The following DLG2 variants were observed in gnomAD, a reference collection of about 807,000 sequenced individuals.
The protein encoded by DLG2 is disks large homolog 2.
A neutral mutation model predicts 132.5 loss-of-function variants in DLG2; 45 were observed. The observed-to-expected ratio is 0.34, with a 90% CI of 0.27 to 0.44. The LOEUF (loss-of-function observed/expected upper bound fraction) is 0.44. Among genes scored for constraint, DLG2 ranks in the 20% least tolerant of loss-of-function variants. DLG2 has a pLI of 1.00. For synonymous variants in DLG2, 424 were observed against 419.6 expected, an observed-to-expected ratio of 1.01 and a Z score of -0.13; for missense variants, 1,045 against 1,196.9, an observed-to-expected ratio of 0.87 and a Z score of 1.87.
intron 6 of DLG2, among the ~76,000 whole-genome samples, chr11:84,903,065 G>A (rs977135984): frequency 4.5e-5 from 2 of 44,378 alleles, no homozygotes; most frequent in African/African-American, 1.1e-4. Flanking sequence ...CCATACCCAG[G>A]CCATCTTCCA....
chr11:83,617,075 G>A (rs547640643), intron 19 of DLG2, among the ~76,000 whole-genome samples: 13 of 152,210 alleles, frequency 8.5e-5, no homozygotes, highest in Admixed American at 3.9e-4. Flanking sequence ...ATCATATAAT[G>A]TAAATTCTCT....
At chr11:84,851,104 G>C (rs2082114581) in intron 6 of DLG2, among the ~76,000 whole-genome samples, 1 of 152,140 alleles carries the variant, frequency 6.6e-6, no homozygotes, top group Admixed American at 6.6e-5. Context: ...TCAGCATCCA[G>C]AACATTACTT....
chr11:83,558,638 A>C (rs969790404), intron 19 of DLG2, among the ~76,000 whole-genome samples: 4 of 152,318 alleles, frequency 2.6e-5, no homozygotes, highest in African/African-American at 9.6e-5. Flanking sequence ...GAAAGTTAGG[A>C]ATTCAACCCA....
chr11:85,400,603 T>TA (rs946720178), intron 3 of DLG2, among the ~76,000 whole-genome samples: 1 of 144,072 alleles, frequency 6.9e-6, no homozygotes, highest in Non-Finnish European at 1.5e-5. Flanking sequence ...TATGCAGCCA[T>TA]AAAAAATGAT....
intron 6 of DLG2, among the ~76,000 whole-genome samples, chr11:84,846,508 T>C (rs1475635698): frequency 6.6e-6 from 1 of 152,158 alleles, no homozygotes; most frequent in Admixed American, 6.6e-5. Context: ...GTTTCTGCTC[T>C]GTAATAAACT....
chr11:84,667,503 T>TG (rs1555150393), intron 6 of DLG2, among the ~76,000 whole-genome samples: 27 of 115,516 alleles, frequency 2.3e-4, no homozygotes, highest in Non-Finnish European at 4.1e-4. Flanking sequence ...TTTTTGTTTT[T>TG]TTTTTTTTTT....
intron 3 of DLG2, among the ~76,000 whole-genome samples, chr11:85,454,593 T>C (rs1447470570): frequency 6.6e-6 from 1 of 152,216 alleles, no homozygotes; most frequent in African/African-American, 2.4e-5. Context: ...ATCATTGTCA[T>C]GAAATCTTTG....
intron 6 of DLG2, among the ~76,000 whole-genome samples, chr11:84,756,553 A>T (rs2066900045): frequency 6.6e-6 from 1 of 152,178 alleles, no homozygotes; most frequent in East Asian, 1.9e-4. Flanking sequence ...TTCCAGAAAA[A>T]TACAGATAAT....
At chr11:83,677,569 A>G (rs1183860910) in intron 18 of DLG2, among the ~76,000 whole-genome samples, 3 of 152,168 alleles carry the variant, frequency 2.0e-5, no homozygotes, top group Admixed American at 6.5e-5. Flanking sequence ...ACTTCCAACA[A>G]TGCATTCTGT....
At chr11:84,853,964 A>G (rs1002943898) in intron 6 of DLG2, among the ~76,000 whole-genome samples, 2 of 152,028 alleles carry the variant, frequency 1.3e-5, no homozygotes, top group African/African-American at 4.8e-5. Context: ...AACAATTGAA[A>G]TGTGGTATGT....
Position 84,929,134 on chromosome 11 carries a change from C to T in DLG2, c.357+182527G>A, listed in dbSNP as rs117896049. Among the ~76,000 whole-genome samples, 465 of 149,814 alleles carry T rather than the reference C, an allele frequency of 3.1e-3. 5 individuals are homozygous for T. Among genetic ancestry groups the T allele is most frequent in the Middle Eastern group, 6.8e-3 (2 of 294 alleles). On this transcript the variant is annotated intron_variant, in intron 6 of 27. Coordinates refer to ENST00000376104, the MANE Select transcript of DLG2 (RefSeq NM_001142699.3). ...AAGCCCTAAAGATACTGCCACCATC[C>T]CCTGGTGTCCAGTGAGGAAAACTGA...
At chr11:84,853,581 T>C (rs901917070) in intron 6 of DLG2, among the ~76,000 whole-genome samples, 4 of 152,056 alleles carry the variant, frequency 2.6e-5, no homozygotes, top group Admixed American at 6.6e-5. Context: ...ATTTAGTGCC[T>C]ACCCTGCATC....
chr11:84,543,907 T>C (rs1175133787), intron 6 of DLG2, among the ~76,000 whole-genome samples: 1 of 152,178 alleles, frequency 6.6e-6, no homozygotes, highest in Non-Finnish European at 1.5e-5. Context: ...AAATTACAAA[T>C]CAGCTGTCTG....
chr11:85,510,275 C>T (rs1379626295), intron 3 of DLG2, among the ~76,000 whole-genome samples: 1 of 151,900 alleles, frequency 6.6e-6, no homozygotes, highest in African/African-American at 2.4e-5. Flanking sequence ...ACTGATAGGC[C>T]AGGATAAGAA....
intron 7 of DLG2, among the ~76,000 whole-genome samples, chr11:84,382,212 T>C (rs758568020): frequency 1.3e-5 from 2 of 152,116 alleles, no homozygotes; most frequent in African/African-American, 2.4e-5. Flanking sequence ...ATGTCTACAG[T>C]GGTGCCAGTT....
At position 84,938,936 on chromosome 11, in the gene DLG2, A is replaced by G. The variant is rs150852886; in HGVS notation, c.357+172725T>C. ...GCATTTCTTGAAGTACTCCCAAAAT[A>G]AAATTAAGCACATTCAAAATTATAG... On this transcript the variant is annotated intron_variant, in intron 6 of 27. Transcript: ENST00000376104. 2.4e-3 allele frequency among the ~76,000 whole-genome samples: 372 copies of G among 152,342 alleles called. 2 individuals carry two copies. The highest frequency in any genetic ancestry group is 4.1e-3 in the Non-Finnish European group (277 of 68,028).
rs554852568 is a variant in DLG2, at chr11:84,180,706, G to A, written c.574-17195C>T. ...GGCAGGTGGGAGCCATATCTACGGAGGAGCAAAGATAAAAATTATATCTGA... is the reference window on the plus strand; with the variant it reads ...GGCAGGTGGGAGCCATATCTACGGAAGAGCAAAGATAAAAATTATATCTGA... On this transcript the variant is annotated intron_variant, in intron 8 of 27. Transcript: ENST00000376104. 1.4e-3 allele frequency among the ~76,000 whole-genome samples: 217 copies of A among 152,034 alleles called. 3 individuals carry two copies. Among genetic ancestry groups the A allele is most frequent in the Non-Finnish European group, 2.2e-3 (151 of 67,992 alleles).
chr11:84,734,177 A>T (rs1212299768), intron 6 of DLG2, among the ~76,000 whole-genome samples: 1 of 152,196 alleles, frequency 6.6e-6, no homozygotes, highest in Admixed American at 6.5e-5. Context: ...CTGTGAAGAA[A>T]GTCATTGGTA....
intron 6 of DLG2, among the ~76,000 whole-genome samples, chr11:85,100,869 T>C (rs12288141): frequency 0.038 from 5,780 of 152,266 alleles, 158 homozygotes; most frequent in Non-Finnish European, 0.056. Flanking sequence ...ACGTGAATCA[T>C]CCTGAGAATT....
Sources: gnomAD v4.1 joint callset for allele counts (sites outside exome capture counted in the v4.1 genomes callset) on GRCh38, gnomAD v4.1.1 for gene constraint, MANE v1.5 for transcripts, NCBI Gene and HGNC (gene_info 2026-07-23, HGNC 2026-07-21) for gene names.